The following CCNH variants were observed in gnomAD, a reference collection of about 807,000 sequenced individuals.
CCNH encodes cyclin-H.
A neutral mutation model predicts 41.9 loss-of-function variants in CCNH; 31 were observed. The observed-to-expected ratio is 0.74, with a 90% CI of 0.56 to 1.00. The LOEUF (loss-of-function observed/expected upper bound fraction) is 1.00, where lower values mean the gene tolerates loss of function less well. Among genes scored for constraint, CCNH ranks in the 50% least tolerant of loss-of-function variants. CCNH has a pLI of 0.00. For missense variants in CCNH, 362 were observed against 388.4 expected (o/e 0.93, Z 0.57); for synonymous variants, 138 against 136.1 (o/e 1.01, Z -0.10).
In CCNH at chr5:87,363,335, T is replaced by G. The variant is rs761587614; in HGVS notation, c.*90+29435A>C. 9 of 1,595,364 alleles carry G rather than the reference T, an allele frequency of 5.6e-6. No homozygotes were observed. The highest frequency in any genetic ancestry group is 7.7e-6 in the Non-Finnish European group (9 of 1,164,766). On this transcript the variant is annotated intron_variant and NMD_transcript_variant, in intron 9 of 9. Transcript: ENST00000645953. ...TGTTTGGCTAAGAGAAAACAATTTTTTTTTTTAAACAGGCAAAGGAAAACG... is the reference window on the plus strand; with the variant it reads ...TGTTTGGCTAAGAGAAAACAATTTTGTTTTTTAAACAGGCAAAGGAAAACG...
Position 87,394,724 on chromosome 5 carries a change from T to C in CCNH, c.934-240A>G, listed in dbSNP as rs1034542494. 9 of 1,332,650 alleles carry C rather than the reference T, an allele frequency of 6.8e-6. No homozygotes were observed. The Admixed American group carries it at 2.5e-4, about 38-fold the overall frequency. 82.6% of individuals were successfully genotyped at this position (1,332,650 alleles called of 1,614,324 possible). A position where few individuals can be genotyped will look rare whatever the true frequency, so the allele number is the denominator to read the frequency against. On this transcript the variant is annotated intron_variant, in intron 8 of 8. Transcript: ENST00000256897. ...GCCTCTGATTATTCACTTATTTGAC[T>C]TGACAGATAGAAAATTTTTTTTAAA...
In CCNH at chr5:87,343,808, A is replaced by G. The variant is rs569114182; in HGVS notation, c.*91-24911T>C. Reference sequence around the variant, plus strand: ...CCATTCACAATAGCCGAGATGTTTAATCAACCTAAGTGTTCATCAGTGGAT... The same window carrying G: ...CCATTCACAATAGCCGAGATGTTTAGTCAACCTAAGTGTTCATCAGTGGAT... On this transcript the variant is annotated intron_variant and NMD_transcript_variant, in intron 9 of 9. Coordinates refer to the CCNH transcript ENST00000645953. Among the ~76,000 whole-genome samples the G allele has an allele frequency of 3.0e-4, 46 of 152,344 alleles. No homozygotes were observed. In the Middle Eastern group the frequency reaches 0.017, roughly 56 times the overall value.
chr5:87,390,635 TACTC>T (rs1182490115), downstream of CCNH, among the ~76,000 whole-genome samples: 1 of 152,156 alleles, frequency 6.6e-6, no homozygotes, highest in Non-Finnish European at 1.5e-5. Context: ...TGACCAGAAA[TACTC>T]AGCCAATGAC....
At chr5:87,333,242 A>G in intron 9 of CCNH, 4 of 1,607,564 alleles carry the variant, frequency 2.5e-6, no homozygotes, top group Non-Finnish European at 3.4e-6. Context: ...ATCTTTTTAA[A>G]TCTTTTTTTT....
At chr5:87,335,716 G>A (rs1042191241) in intron 9 of CCNH, among the ~76,000 whole-genome samples, 5 of 152,188 alleles carry the variant, frequency 3.3e-5, no homozygotes, top group Non-Finnish European at 7.3e-5. Context: ...ATGAGCCATC[G>A]TGGCTGGCCA....
rs555009592 is a variant in CCNH, at chr5:87,366,052, A to T, written c.*90+26718T>A. Among the ~76,000 whole-genome samples the T allele has an allele frequency of 6.6e-5, 10 of 152,304 alleles. 1 individual carries two copies. In the East Asian group the frequency reaches 1.5e-3, roughly 24 times the overall value. On this transcript the variant is annotated intron_variant and NMD_transcript_variant, in intron 9 of 9. Transcript: ENST00000645953. ...TTACCTGTCCAAAAGAAAAGTTTTG[A>T]TAAAAGTTTATGATTATAGGAGAAA...
chr5:87,374,460 T>TATATA (rs375254139), downstream of CCNH: 52 of 123,696 alleles, frequency 4.2e-4, no homozygotes, highest in African/African-American at 1.4e-3. Context: ...TATATATATA[T>TATATA]TTTTTTTTTT....
chr5:87,408,160 T>C lies in CCNH; in HGVS notation c.341A>G (p.Lys114Arg), dbSNP rs539013530. 3 of 1,604,722 alleles carry C rather than the reference T, an allele frequency of 1.9e-6. No individual in the cohort carries two copies. The highest frequency in any genetic ancestry group is 1.1e-5 in the South Asian group (1 of 89,750). Residue 114 changes from lysine (K) to arginine (R), a missense_variant, in exon 4 of 9, where the codon AAA (lysine) becomes AGA (arginine). Lys to Arg is a conservative substitution (Grantham distance 26). Transcript: ENST00000256897. ...ACTAGATACATTGAATTCATCTACTTTGCAGGCCAAAAATGCACAAGTGAG... is the reference window on the plus strand; with the variant it reads ...ACTAGATACATTGAATTCATCTACTCTGCAGGCCAAAAATGCACAAGTGAG... ...IMLTCAFLAC[K>R]VDEFNVSSPQ... is the part of the protein sequence containing the mutation.
At chr5:87,394,634 G>A in intron 8 of CCNH, 150 bp from the exon 9 acceptor site, 3 of 1,456,622 alleles carry the variant, frequency 2.1e-6, no homozygotes, top group Non-Finnish European at 2.7e-6. Context: ...TTCACTGTTA[G>A]TAATGTTGGC....
At chr5:87,398,561 A>C (rs1763140705) in intron 7 of CCNH, among the ~76,000 whole-genome samples, 1 of 152,216 alleles carries the variant, frequency 6.6e-6, no homozygotes, top group African/African-American at 2.4e-5. Context: ...TGGATCTTTC[A>C]ATTTGCAAAG....
chr5:87,399,292 G>A, intron 7 of CCNH, 102 bp downstream of exon 7: 1 of 812,062 alleles, frequency 1.2e-6, no homozygotes, highest in Admixed American at 2.0e-5. Flanking sequence ...TTATGGATCA[G>A]TCAGCTTTCC....
chr5:87,321,253 T>G (rs942064696), intron 9 of CCNH, among the ~76,000 whole-genome samples: 5 of 152,200 alleles, frequency 3.3e-5, no homozygotes, highest in African/African-American at 4.8e-5. Flanking sequence ...TCCTCTGCTC[T>G]TACACCACAA....
chr5:87,379,822 A>C, upstream of CCNH: 1 of 1,612,794 alleles, frequency 6.2e-7, no homozygotes, highest in Non-Finnish European at 8.5e-7. Flanking sequence ...TGTGGAGAAA[A>C]TATTCATGGC....
intron 9 of CCNH, among the ~76,000 whole-genome samples, chr5:87,361,711 G>C (rs1336787403): frequency 3.3e-5 from 5 of 152,086 alleles, no homozygotes; most frequent in Non-Finnish European, 7.4e-5. Context: ...AAAAATCATA[G>C]CATTATGCAA....
chr5:87,365,860 AT>A (rs1478674497), intron 9 of CCNH, among the ~76,000 whole-genome samples: 1 of 152,046 alleles, frequency 6.6e-6, no homozygotes, highest in Non-Finnish European at 1.5e-5. Context: ...ACATTTAAAG[AT>A]TTTATGTCAA....
chr5:87,399,623 A>G (rs1763244915), intron 6 of CCNH, 118 bp from the exon 7 acceptor site: 4 of 685,644 alleles, frequency 5.8e-6, no homozygotes, highest in Non-Finnish European at 1.0e-5. Flanking sequence ...TGACATGGTT[A>G]TTCTCAGGAT....
At chr5:87,363,873 CAAGT>C (rs1211818577) in intron 9 of CCNH, among the ~76,000 whole-genome samples, 1 of 151,998 alleles carries the variant, frequency 6.6e-6, no homozygotes, top group African/African-American at 2.4e-5. Flanking sequence ...ACTCTATAAG[CAAGT>C]TCTTAAGAAA....
Position 87,349,224 on chromosome 5 carries a change from C to G in CCNH, c.*91-30327G>C, listed in dbSNP as rs1580325656. The G allele has an allele frequency of 1.2e-6, 2 of 1,611,770 alleles. No individual in the cohort carries two copies. Reference sequence around the variant, plus strand: ...GCTTAATTCTTACAGTTGGTCAAGTCTGCAGTTTTCTTGTGAGGCCCTCAG... The same window carrying G: ...GCTTAATTCTTACAGTTGGTCAAGTGTGCAGTTTTCTTGTGAGGCCCTCAG... On this transcript the variant is annotated intron_variant and NMD_transcript_variant, in intron 9 of 9. Coordinates refer to the CCNH transcript ENST00000645953.
At chr5:87,384,807 T>C (rs1761954811) in intron 9 of CCNH, among the ~76,000 whole-genome samples, 1 of 152,132 alleles carries the variant, frequency 6.6e-6, no homozygotes, top group Non-Finnish European at 1.5e-5. Context: ...AAATTTCATG[T>C]TTTTCTCCTC....
Sources: allele counts gnomAD v4.1 joint callset (sites outside exome capture counted in the v4.1 genomes callset), GRCh38; gene constraint gnomAD v4.1.1; transcripts MANE v1.5; gene names NCBI Gene and HGNC (gene_info 2026-07-23, HGNC 2026-07-21).